SPIN1: variants seen among roughly 807,000 people sequenced by gnomAD.
The protein encoded by SPIN1 is spindlin 1, also known as spindlin-1.
A neutral mutation model predicts 26.0 loss-of-function variants in SPIN1; 3 were observed. That is an observed-to-expected ratio of 0.12 (90% CI 0.05 to 0.30). SPIN1 has a LOEUF of 0.30. Among genes scored for constraint, SPIN1 ranks in the 10% least tolerant of loss-of-function variants. The pLI, the probability that SPIN1 is intolerant of heterozygous loss-of-function variation, is 1.00. For synonymous variants in SPIN1, 101 were observed against 116.5 expected (o/e 0.87, Z 0.86); for missense variants, 126 against 333.4 (o/e 0.38, Z 4.84).
At chr9:88,429,764 C>T (rs1413380857) in intron 2 of SPIN1, among the ~76,000 whole-genome samples, 2 of 152,098 alleles carry the variant, frequency 1.3e-5, no homozygotes, top group African/African-American at 4.8e-5. Context: ...ACCTTCAGCC[C>T]CTGTCCCGTA....
chr9:88,401,777 A>G (rs1827192008), intron 1 of SPIN1, among the ~76,000 whole-genome samples: 1 of 152,210 alleles, frequency 6.6e-6, no homozygotes, highest in South Asian at 2.1e-4. Flanking sequence ...TAAGAGAAGC[A>G]AGTTGTGGAA....
intron 1 of SPIN1, among the ~76,000 whole-genome samples, chr9:88,400,314 A>G (rs1469311502): frequency 1.3e-5 from 2 of 152,156 alleles, no homozygotes; most frequent in Non-Finnish European, 2.9e-5. Flanking sequence ...ATTTGTGGCA[A>G]TGGATCTTAG....
At position 88,475,166 on chromosome 9, in the gene SPIN1, G is replaced by A. The variant is rs780946391; in HGVS notation, c.678G>A (p.Ser226=). ...KQVEYAKEDG[S]KRTGMVIHQV... ...TGGAATATGCCAAAGAAGATGGCTC[G>A]AAAAGGACTGGCATGGTCATTCATC... The change falls in exon 6 of 6, where the codon TCG becomes TCA. Residue 226 remains serine (S), a synonymous_variant. Transcript: ENST00000375859. 2.3e-5 allele frequency: 37 copies of A among 1,610,658 alleles called. No individual in the cohort carries two copies. The highest frequency in any genetic ancestry group is 3.4e-5 in the Admixed American group (2 of 59,450).
At chr9:88,418,713 T>C (rs1042583452) in intron 1 of SPIN1, 43 of 152,334 alleles carry the variant, frequency 2.8e-4, no homozygotes, top group African/African-American at 9.6e-4. Flanking sequence ...AGACAATACA[T>C]TGTCATTGAT....
chr9:88,424,835 G>A (rs1016292346), intron 1 of SPIN1, among the ~76,000 whole-genome samples: 1 of 152,216 alleles, frequency 6.6e-6, no homozygotes, highest in African/African-American at 2.4e-5. Flanking sequence ...TGGATCATAT[G>A]TGTGGATGTT....
At chr9:88,456,651 A>T (rs183672368) in intron 3 of SPIN1, among the ~76,000 whole-genome samples, 1 of 152,334 alleles carries the variant, frequency 6.6e-6, no homozygotes, top group Non-Finnish European at 1.5e-5. Context: ...CTCAGAGGCC[A>T]GAGAGTCTGA....
chr9:88,394,388 G>A (rs1270201165), intron 1 of SPIN1, among the ~76,000 whole-genome samples: 2 of 152,122 alleles, frequency 1.3e-5, no homozygotes, highest in Non-Finnish European at 2.9e-5. Flanking sequence ...AGAAATCTGG[G>A]TGTTATATGT....
chr9:88,447,945 T>G (rs558841326), intron 2 of SPIN1, among the ~76,000 whole-genome samples: 1 of 152,254 alleles, frequency 6.6e-6, no homozygotes, highest in African/African-American at 2.4e-5. Context: ...AAACCAGGTG[T>G]TTCATATATT....
Position 88,477,479 on chromosome 9 carries a change from T to C in SPIN1, c.*2202T>C, listed in dbSNP as rs1040907451. On this transcript the variant is annotated 3_prime_UTR_variant, in exon 6 of 6. Coordinates refer to ENST00000375859, the MANE Select transcript of SPIN1 (RefSeq NM_006717.3). ...GAATGCAACATGATGATGGTGATGA[T>C]GACGATGAGTTTAATCATTGTTCAT... 3.9e-5 allele frequency: 6 copies of C among 152,282 alleles called. No individual in the cohort carries two copies. Among genetic ancestry groups the C allele is most frequent in the African/African-American group, 9.6e-5 (4 of 41,470 alleles). 9.4% of individuals were successfully genotyped at this position (152,282 alleles called of 1,614,324 possible).
At position 88,448,945 on chromosome 9, in the gene SPIN1, T is replaced by C. The variant is rs34327412; in HGVS notation, c.57T>C (p.His19=). ...PGQRSRADAG[H]AGVSANMMKK... ...ATATACTCATCTCTCTTACAGGCCATGCTGGAGTATCTGCCAACATGATGA... is the reference window on the plus strand; with the variant it reads ...ATATACTCATCTCTCTTACAGGCCACGCTGGAGTATCTGCCAACATGATGA... Residue 19 remains histidine (H), a synonymous_variant, in exon 3 of 6, where the codon CAT becomes CAC. Transcript: ENST00000375859. 26,878 of 1,613,080 alleles carry C rather than the reference T, an allele frequency of 0.017. 271 individuals are homozygous for C. Among genetic ancestry groups the C allele is most frequent in the Non-Finnish European group, 0.02 (23,711 of 1,179,634 alleles).
At chr9:88,436,202 T>G (rs1827995441) in intron 2 of SPIN1, among the ~76,000 whole-genome samples, 1 of 152,218 alleles carries the variant, frequency 6.6e-6, no homozygotes, top group African/African-American at 2.4e-5. Flanking sequence ...CCCGAGTAGC[T>G]GGGACTACAG....
chr9:88,452,851 A>G (rs1299035835), intron 3 of SPIN1, among the ~76,000 whole-genome samples: 2 of 152,150 alleles, frequency 1.3e-5, no homozygotes, highest in South Asian at 2.1e-4. Flanking sequence ...TCTAAAATCT[A>G]CTGTAGCCCA....
At chr9:88,434,784 C>T (rs573097739) in intron 2 of SPIN1, among the ~76,000 whole-genome samples, 101 of 152,150 alleles carry the variant, frequency 6.6e-4, no homozygotes, top group African/African-American at 2.3e-3. Context: ...GAGCTGCGCG[C>T]GGTTGCTCAT....
intron 1 of SPIN1, among the ~76,000 whole-genome samples, chr9:88,412,850 A>G (rs1309060059): frequency 6.6e-6 from 1 of 151,498 alleles, no homozygotes; most frequent in African/African-American, 2.4e-5. Flanking sequence ...CACCCGGGTA[A>G]TTTTTGTATT....
intron 4 of SPIN1, among the ~76,000 whole-genome samples, chr9:88,464,315 C>A (rs1279739872): frequency 6.6e-6 from 1 of 152,230 alleles, no homozygotes; most frequent in Non-Finnish European, 1.5e-5. Flanking sequence ...GTTACTTTGG[C>A]ATCAACCTAC....
At chr9:88,413,695 C>G (rs1587782706) in intron 1 of SPIN1, among the ~76,000 whole-genome samples, 1 of 152,074 alleles carries the variant, frequency 6.6e-6, no homozygotes, top group Non-Finnish European at 1.5e-5. Flanking sequence ...TGTGCCGGGC[C>G]AAAATTAAGG....
At chr9:88,420,892 A>G (rs1827655961) in intron 1 of SPIN1, among the ~76,000 whole-genome samples, 2 of 152,134 alleles carry the variant, frequency 1.3e-5, no homozygotes, top group African/African-American at 4.8e-5. Flanking sequence ...ATTTTGAATT[A>G]TTTTCACAGT....
chr9:88,471,904 C>T (rs111781289), intron 5 of SPIN1, among the ~76,000 whole-genome samples: 2,245 of 151,948 alleles, frequency 0.015, 60 homozygotes, highest in African/African-American at 0.051. Context: ...GATCTCGGCT[C>T]ATTGCAACCT....
At chr9:88,394,808 ATTT>A in intron 1 of SPIN1, among the ~76,000 whole-genome samples, 1 of 114,064 alleles carries the variant, frequency 8.8e-6, no homozygotes, top group East Asian at 2.5e-4. Flanking sequence ...TATTTAATGT[ATTT>A]TTTTTTTTTT....
Sources: gnomAD v4.1 joint callset for allele counts (sites outside exome capture counted in the v4.1 genomes callset) on GRCh38, gnomAD v4.1.1 for gene constraint, MANE v1.5 for transcripts, NCBI Gene and HGNC (gene_info 2026-07-23, HGNC 2026-07-21) for gene names.